ENOSF1: variants seen among roughly 807,000 people sequenced by gnomAD.
The protein encoded by ENOSF1 is enolase superfamily member 1, also known as mitochondrial enolase superfamily member 1.
ENOSF1 carries 73 observed loss-of-function variants against 68.2 expected under a neutral mutation model. That is an observed-to-expected ratio of 1.07 (90% CI 0.89 to 1.30). ENOSF1 has a LOEUF of 1.30. Among genes scored for constraint, ENOSF1 ranks in the 50% most tolerant of loss-of-function variants. ENOSF1 has a pLI of 0.00. For synonymous variants in ENOSF1, 223 were observed against 210.4 expected, an observed-to-expected ratio of 1.06 and a Z score of -0.52; for missense variants, 589 against 554.5, an observed-to-expected ratio of 1.06 and a Z score of -0.62.
At chr18:665,769 T>C (rs2074806228), downstream of ENOSF1, among the ~76,000 whole-genome samples, 1 of 98,058 alleles carries the variant, frequency 1.0e-5, no homozygotes, top group South Asian at 3.3e-4. Context: ...CATTTCGTTA[T>C]GTACCCAGTA....
chr18:672,156 T>C lies in ENOSF1; in HGVS notation c.*2149A>G, dbSNP rs1021078924. On this transcript the variant is annotated 3_prime_UTR_variant, in exon 16 of 16. Coordinates refer to ENST00000647584, the MANE Select transcript of ENOSF1 (RefSeq NM_017512.7). ...CAAAAGTCTGTTGAAATCCCTAAGT[T>C]ATAGCAGCCAACAATTGATATGAAA... is the stretch of plus-strand genomic sequence containing the variant. 1 of 152,250 alleles carries C rather than the reference T, an allele frequency of 6.6e-6. No homozygotes were observed. The highest frequency in any genetic ancestry group is 2.4e-5 in the African/African-American group (1 of 41,456). The allele number at this position is 152,250 out of a possible 1,614,324, so 9.4% of individuals were successfully genotyped here.
At chr18:684,566 T>C (rs1390167663) in intron 10 of ENOSF1, among the ~76,000 whole-genome samples, 2 of 152,062 alleles carry the variant, frequency 1.3e-5, no homozygotes, top group Non-Finnish European at 2.9e-5. Flanking sequence ...GCAGTTCATA[T>C]TAACCCATTT....
intron 10 of ENOSF1, among the ~76,000 whole-genome samples, chr18:684,045 G>C (rs1480582088): frequency 1.3e-5 from 2 of 151,208 alleles, no homozygotes; most frequent in Admixed American, 6.6e-5. Context: ...CAAGGCTGGA[G>C]TGCAGTGGCG....
chr18:680,449 T>C (rs115227786), intron 11 of ENOSF1, among the ~76,000 whole-genome samples: 1 of 152,352 alleles, frequency 6.6e-6, no homozygotes, highest in African/African-American at 2.4e-5. Context: ...TATGGCAGAC[T>C]AGGGGCCAAA....
At position 699,693 on chromosome 18, in the gene ENOSF1, T is replaced by C. The variant is rs374095476; in HGVS notation, c.194-2338A>G. ...TTGATTAATTTGTTTGGTGCTGCCG[T>C]GGATTCAATAGTAAAAGTTTTTAGT... On this transcript the variant is annotated intron_variant, in intron 2 of 15. Transcript: ENST00000647584. 3.0e-4 allele frequency among the ~76,000 whole-genome samples: 46 copies of C among 152,326 alleles called. No individual in the cohort carries two copies. In the East Asian group the frequency reaches 6.4e-3, roughly 21 times the overall value.
intron 14 of ENOSF1, 50 bp from the exon 15 acceptor site, chr18:675,452 T>C (rs747104625): frequency 2.0e-5 from 30 of 1,492,212 alleles, no homozygotes; most frequent in Non-Finnish European, 2.7e-5. Context: ...GTCAGATTAT[T>C]CACGTGGTGC....
intron 11 of ENOSF1, among the ~76,000 whole-genome samples, chr18:680,973 A>G (rs1253301627): frequency 2.0e-5 from 3 of 151,930 alleles, no homozygotes; most frequent in Non-Finnish European, 4.4e-5. Flanking sequence ...AGCCTCTCCG[A>G]GTAGCTGGGA....
At chr18:684,556 G>A (rs1461204939) in intron 10 of ENOSF1, among the ~76,000 whole-genome samples, 1 of 151,934 alleles carries the variant, frequency 6.6e-6, no homozygotes, top group African/African-American at 2.4e-5. Flanking sequence ...ACCCCATGAG[G>A]CAGTTCATAT....
In ENOSF1 at chr18:685,974, C is replaced by A. The variant is rs1395203374; in HGVS notation, c.688G>T (p.Asp230Tyr). The A allele has an allele frequency of 6.2e-7, 1 of 1,614,166 alleles. No homozygotes were observed. Among genetic ancestry groups the A allele is most frequent in the Admixed American group, 1.7e-5 (1 of 60,028 alleles). Residue 230 changes from aspartate (D) to tyrosine (Y), a missense_variant, in exon 10 of 16, where the codon GAC (aspartate) becomes TAC (tyrosine). By Grantham distance (160) the Asp-to-Tyr change is radical. Transcript: ENST00000647584. ...KVKVGADLQD[D>Y]MRRCQIIRDM... Reference sequence around the variant, plus strand: ...CGGATGATTTGGCATCTTCGCATGTCATCCTGGAGATCAGCACCCACCTTT... The same window carrying A: ...CGGATGATTTGGCATCTTCGCATGTAATCCTGGAGATCAGCACCCACCTTT...
intron 5 of ENOSF1, chr18:692,908 C>T (rs2077347457): frequency 8.7e-7 from 1 of 1,155,408 alleles, no homozygotes. Flanking sequence ...CTGCCCAACA[C>T]TCTTCAAGGC....
At chr18:693,104 T>C in intron 5 of ENOSF1, 1 of 1,289,130 alleles carries the variant, frequency 7.8e-7, no homozygotes, top group Non-Finnish European at 1.0e-6. Context: ...CAGCCAGCTC[T>C]GCATGGGGTC....
chr18:688,458 C>A, intron 9 of ENOSF1, 116 bp downstream of exon 9: 1 of 1,373,028 alleles, frequency 7.3e-7, no homozygotes, highest in Non-Finnish European at 1.0e-6. Context: ...CCCTATGAGC[C>A]AGGGGGATCC....
intron 3 of ENOSF1, among the ~76,000 whole-genome samples, chr18:695,075 A>C (rs1052763440): frequency 1.3e-5 from 2 of 152,138 alleles, no homozygotes; most frequent in African/African-American, 4.8e-5. Context: ...TTTTTCCAAT[A>C]ATGTATTTTA....
At chr18:689,700 C>A (rs1224153386) in intron 8 of ENOSF1, among the ~76,000 whole-genome samples, 2 of 151,862 alleles carry the variant, frequency 1.3e-5, no homozygotes, top group African/African-American at 4.8e-5. Flanking sequence ...TCGCTGCCCC[C>A]CTATTTCCTA....
chr18:674,482 C>A, intron 15 of ENOSF1, 76 bp from the exon 16 acceptor site: 1 of 915,608 alleles, frequency 1.1e-6, no homozygotes. Flanking sequence ...TTATGCTGCT[C>A]CAAGAAATGC....
Position 672,288 on chromosome 18 carries a change from C to T in ENOSF1, c.*2017G>A, listed in dbSNP as rs2853538. On this transcript the variant is annotated 3_prime_UTR_variant, in exon 16 of 16. Transcript: ENST00000647584. Reference sequence around the variant, plus strand: ...GGTTAGATCCAGGTTTTAAAAGTTACTCCTTTGAGGGAGTTTGGCTGCTTT... The same window carrying T: ...GGTTAGATCCAGGTTTTAAAAGTTATTCCTTTGAGGGAGTTTGGCTGCTTT... 60,416 of 152,072 alleles carry T rather than the reference C, an allele frequency of 0.4. 13,090 individuals carry two copies. The highest frequency in any genetic ancestry group is 0.69 in the East Asian group (3,543 of 5,170). The allele number at this position is 152,072 out of a possible 1,614,324, so 9.4% of individuals were successfully genotyped here. A position where few individuals can be genotyped will look rare whatever the true frequency, so the allele number is the denominator to read the frequency against.
rs1481633026 is a variant in ENOSF1 at position 673,749 on chromosome 18, G to A, written c.*556C>T. 3 of 148,304 alleles carry A rather than the reference G, an allele frequency of 2.0e-5. No individual in the cohort carries two copies. The highest frequency in any genetic ancestry group is 7.6e-5 in the African/African-American group (3 of 39,250). 9.2% of individuals were successfully genotyped at this position (148,304 alleles called of 1,614,324 possible). On this transcript the variant is annotated 3_prime_UTR_variant, in exon 16 of 16. Coordinates refer to ENST00000647584, the MANE Select transcript of ENOSF1 (RefSeq NM_017512.7). ...TTTTTAAACTTTTATAACCTTAAAG[G>A]GTTATTTTAAAATAATCTATGGACT... is the stretch of plus-strand genomic sequence containing the variant.
At chr18:693,214 T>A in intron 5 of ENOSF1, 3 of 1,289,202 alleles carry the variant, frequency 2.3e-6, no homozygotes, top group Non-Finnish European at 3.0e-6. Flanking sequence ...AACAGTCAAG[T>A]GCATAGCTTT....
At chr18:691,922 A>G (rs2077224213) in intron 5 of ENOSF1, 1 of 152,648 alleles carries the variant, frequency 6.6e-6, no homozygotes, top group Admixed American at 6.5e-5. Context: ...CACTCTGTAC[A>G]TCAGCGCCAC....
Sources: gnomAD v4.1 joint callset for allele counts (sites outside exome capture counted in the v4.1 genomes callset) on GRCh38, gnomAD v4.1.1 for gene constraint, MANE v1.5 for transcripts, NCBI Gene and HGNC (gene_info 2026-07-23, HGNC 2026-07-21) for gene names.